ARB2A: variants seen among roughly 807,000 people sequenced by gnomAD.
ARB2A encodes ARB2 cotranscriptional regulator A, also known as cotranscriptional regulator ARB2A.
the ARB2A span, among the ~76,000 whole-genome samples, chr5:93,868,607 T>A: frequency 6.6e-6 from 1 of 152,158 alleles, no homozygotes; most frequent in Non-Finnish European, 1.5e-5. Flanking sequence ...AACAAAGCAC[T>A]TTTGGGTCAA....
chr5:93,848,299 C>T, the ARB2A span, among the ~76,000 whole-genome samples: 1 of 151,788 alleles, frequency 6.6e-6, no homozygotes, highest in African/African-American at 2.4e-5. Flanking sequence ...AGGAGAATCA[C>T]TTGAACCCGG....
At chr5:93,937,780 T>C in the ARB2A span, among the ~76,000 whole-genome samples, 1 of 152,126 alleles carries the variant, frequency 6.6e-6, no homozygotes, top group Non-Finnish European at 1.5e-5. Flanking sequence ...TAAAATGGTG[T>C]AGTATTTGCT....
chr5:94,075,306 C>T, the ARB2A span, among the ~76,000 whole-genome samples: 16 of 151,898 alleles, frequency 1.1e-4, no homozygotes, highest in Non-Finnish European at 2.9e-5. Context: ...GAAAAATTAG[C>T]CCTTTTTAAA....
At chr5:93,669,956 G>T in the ARB2A span, among the ~76,000 whole-genome samples, 2 of 152,076 alleles carry the variant, frequency 1.3e-5, no homozygotes, top group Non-Finnish European at 2.9e-5. Context: ...AAGAGAGCAT[G>T]GTTAAATGCC....
chr5:93,768,866 G>A, the ARB2A span, among the ~76,000 whole-genome samples: 1 of 151,960 alleles, frequency 6.6e-6, no homozygotes, highest in African/African-American at 2.4e-5. Context: ...GTACAGGTAT[G>A]AGCCACTATG....
chr5:93,799,725 C>A, the ARB2A span, among the ~76,000 whole-genome samples: 1 of 152,026 alleles, frequency 6.6e-6, no homozygotes, highest in African/African-American at 2.4e-5. Context: ...AAAGCTGCCC[C>A]ATATTGATTA....
chr5:93,693,635 G>A, the ARB2A span, among the ~76,000 whole-genome samples: 1 of 152,104 alleles, frequency 6.6e-6, no homozygotes, highest in Non-Finnish European at 1.5e-5. Flanking sequence ...AGTACAAAGA[G>A]GAGCTGGTAC....
chr5:93,681,237 T>C, the ARB2A span, among the ~76,000 whole-genome samples: 1 of 152,218 alleles, frequency 6.6e-6, no homozygotes, highest in Non-Finnish European at 1.5e-5. Flanking sequence ...TGTAATATTC[T>C]AACTGGTCTT....
At chr5:93,826,080 T>C in the ARB2A span, among the ~76,000 whole-genome samples, 1 of 152,178 alleles carries the variant, frequency 6.6e-6, no homozygotes, top group East Asian at 1.9e-4. Flanking sequence ...GCAAAAGTTA[T>C]GTAATAACTT....
the ARB2A span, among the ~76,000 whole-genome samples, chr5:93,651,489 A>G: frequency 6.6e-6 from 1 of 152,218 alleles, no homozygotes; most frequent in African/African-American, 2.4e-5. Flanking sequence ...TTAAGGTAAA[A>G]TAAAGAAATT....
chr5:93,868,335 A>C, the ARB2A span, among the ~76,000 whole-genome samples: 1 of 152,126 alleles, frequency 6.6e-6, no homozygotes, highest in African/African-American at 2.4e-5. Flanking sequence ...CAACAAGAAA[A>C]GAAATGAGAT....
At chr5:93,824,035 T>C in the ARB2A span, 1 of 830,368 alleles carries the variant, frequency 1.2e-6, no homozygotes, top group Non-Finnish European at 1.7e-6. Flanking sequence ...TCAAAATATG[T>C]TATTTTCCTT....
chr5:93,985,147 T>C, the ARB2A span, among the ~76,000 whole-genome samples: 1 of 152,200 alleles, frequency 6.6e-6, no homozygotes, highest in Non-Finnish European at 1.5e-5. Context: ...TGTAGTCTTA[T>C]TATCCCCTCT....
chr5:93,990,794 A>G, the ARB2A span, among the ~76,000 whole-genome samples: 3 of 152,096 alleles, frequency 2.0e-5, no homozygotes, highest in African/African-American at 7.2e-5. Flanking sequence ...AACAAGCAGT[A>G]TAGATCTATG....
At chr5:93,943,283 A>G in the ARB2A span, among the ~76,000 whole-genome samples, 1 of 152,112 alleles carries the variant, frequency 6.6e-6, no homozygotes, top group Non-Finnish European at 1.5e-5. Context: ...TAATTTGCCA[A>G]TCTGATATGT....
chr5:93,650,146 C>T, the ARB2A span, among the ~76,000 whole-genome samples: 1 of 136,140 alleles, frequency 7.3e-6, no homozygotes, highest in Non-Finnish European at 1.6e-5. Flanking sequence ...CAACTTGGAA[C>T]ATATCAAGAA....
chr5:93,784,186 G>T, the ARB2A span: 1 of 502,400 alleles, frequency 2.0e-6, no homozygotes, highest in Non-Finnish European at 3.5e-6. Flanking sequence ...AAGAAGGGAG[G>T]GGAGCTTTCA....
the ARB2A span, among the ~76,000 whole-genome samples, chr5:93,880,503 C>T: frequency 4.0e-5 from 6 of 151,520 alleles, no homozygotes; most frequent in South Asian, 2.1e-4. Flanking sequence ...TACTACTATC[C>T]TATTGTATAA....
the ARB2A span, among the ~76,000 whole-genome samples, chr5:93,742,772 C>T: frequency 6.6e-6 from 1 of 152,280 alleles, no homozygotes; most frequent in African/African-American, 2.4e-5. Context: ...ACTCTTCTTG[C>T]TCCTTCTCCT....
Sources: allele counts gnomAD v4.1 joint callset (sites outside exome capture counted in the v4.1 genomes callset), GRCh38; gene constraint gnomAD v4.1.1; transcripts MANE v1.5; gene names NCBI Gene and HGNC (gene_info 2026-07-23, HGNC 2026-07-21).